Variants in GAS2 observed in about 807,000 individuals in gnomAD.
GAS2 encodes the protein growth arrest specific 2, also known as growth arrest-specific protein 2.
GAS2 carries 20 observed loss-of-function variants against 37.5 expected under a neutral mutation model. The ratio of observed to expected loss-of-function variants is 0.53; its 90% CI spans 0.37 to 0.77. The LOEUF (loss-of-function observed/expected upper bound fraction) is 0.77. GAS2 is among the 30% of genes least tolerant of loss of function. The pLI, the probability that GAS2 is intolerant of heterozygous loss-of-function variation, is 0.00. For synonymous variants in GAS2, 144 were observed against 132.2 expected (o/e 1.09, Z -0.61); for missense variants, 336 against 373.4 (o/e 0.90, Z 0.82).
At chr11:22,631,032 G>A (rs1275384194) in intron 1 of GAS2, among the ~76,000 whole-genome samples, 1 of 152,106 alleles carries the variant, frequency 6.6e-6, no homozygotes, top group African/African-American at 2.4e-5. Context: ...GCAGTGTTTT[G>A]TAGTTCTCCT....
At chr11:22,713,465 G>C (rs879894337) in intron 3 of GAS2, among the ~76,000 whole-genome samples, 7 of 152,226 alleles carry the variant, frequency 4.6e-5, no homozygotes, top group Non-Finnish European at 8.8e-5. Flanking sequence ...CCCTGGTCTT[G>C]CTAGAGATCT....
chr11:22,780,557 CA>C lies in GAS2; in HGVS notation c.723+24623del, dbSNP rs34289288. Among the ~76,000 whole-genome samples the C allele has an allele frequency of 8.7e-3, 782 of 90,314 alleles. 4 individuals carry two copies. The highest frequency in any genetic ancestry group is 0.022 in the Middle Eastern group (3 of 136). The allele number at this position is 90,314 out of a possible 152,430, so 59.2% of individuals were successfully genotyped here. A position where few individuals can be genotyped will look rare whatever the true frequency, so the allele number is the denominator to read the frequency against. On this transcript the variant is annotated intron_variant, in intron 7 of 7. Transcript: ENST00000454584. ...TGGGCAACAGAGCAAGACTCTGTCT[CA>C]AAAAAAAAAAAAAAAAAAGATTGTA...
At chr11:22,707,919 G>C (rs1055208617) in intron 3 of GAS2, among the ~76,000 whole-genome samples, 2 of 152,130 alleles carry the variant, frequency 1.3e-5, no homozygotes, top group Non-Finnish European at 2.9e-5. Context: ...TGCATATTAA[G>C]TTGGAGAAAT....
At chr11:22,654,923 GA>G (rs1249690252) in intron 1 of GAS2, among the ~76,000 whole-genome samples, 1 of 151,996 alleles carries the variant, frequency 6.6e-6, no homozygotes. Context: ...TTTCATCAAA[GA>G]AAAAAATATG....
chr11:22,744,200 A>T (rs1853249660), intron 5 of GAS2, among the ~76,000 whole-genome samples: 1 of 152,142 alleles, frequency 6.6e-6, no homozygotes, highest in Non-Finnish European at 1.5e-5. Context: ...ATGAGTTCAC[A>T]GCTAAATTCT....
At chr11:22,689,680 A>G (rs560910364) in intron 3 of GAS2, among the ~76,000 whole-genome samples, 3 of 152,366 alleles carry the variant, frequency 2.0e-5, no homozygotes, top group Non-Finnish European at 2.9e-5. Context: ...TGTTAAATCT[A>G]AATACAAATT....
chr11:22,706,116 A>T (rs1851104545), intron 3 of GAS2, among the ~76,000 whole-genome samples: 1 of 152,210 alleles, frequency 6.6e-6, no homozygotes, highest in Non-Finnish European at 1.5e-5. Context: ...TATCTTAAGT[A>T]TAACAATATG....
intron 6 of GAS2, among the ~76,000 whole-genome samples, chr11:22,753,963 A>G (rs1853881586): frequency 6.6e-6 from 1 of 152,030 alleles, no homozygotes. Flanking sequence ...CAACTTTTAT[A>G]TATCTTGTTT....
chr11:22,678,662 AG>A, intron 2 of GAS2, among the ~76,000 whole-genome samples: 1 of 151,982 alleles, frequency 6.6e-6, no homozygotes, highest in Non-Finnish European at 1.5e-5. Context: ...GTTTTTCAAA[AG>A]GAGTTTTAAT....
intron 7 of GAS2, among the ~76,000 whole-genome samples, chr11:22,781,607 C>A (rs1388271125): frequency 6.6e-6 from 1 of 152,104 alleles, no homozygotes; most frequent in African/African-American, 2.4e-5. Flanking sequence ...TCTTTAACAA[C>A]TTATAGATTT....
intron 7 of GAS2, among the ~76,000 whole-genome samples, chr11:22,807,141 A>G (rs1034382492): frequency 6.6e-6 from 1 of 152,210 alleles, no homozygotes; most frequent in Non-Finnish European, 1.5e-5. Context: ...ACTCCTTCAA[A>G]GCAAGAGAGA....
intron 3 of GAS2, among the ~76,000 whole-genome samples, chr11:22,703,788 G>A (rs939151937): frequency 3.9e-5 from 6 of 152,224 alleles, no homozygotes; most frequent in African/African-American, 1.2e-4. Flanking sequence ...GGCTTCTATT[G>A]TTTGACTTAG....
intron 1 of GAS2, among the ~76,000 whole-genome samples, chr11:22,647,402 T>C (rs1239430249): frequency 1.3e-5 from 2 of 152,186 alleles, no homozygotes; most frequent in East Asian, 1.9e-4. Flanking sequence ...TGTGTCTTTA[T>C]AGCAGCATGA....
chr11:22,723,157 T>C (rs1296676879), intron 3 of GAS2, among the ~76,000 whole-genome samples: 1 of 151,922 alleles, frequency 6.6e-6, no homozygotes, highest in African/African-American at 2.4e-5. Flanking sequence ...TCAGCTGGCA[T>C]GGGAACACTC....
At chr11:22,716,117 A>G (rs1248370186) in intron 3 of GAS2, among the ~76,000 whole-genome samples, 1 of 152,224 alleles carries the variant, frequency 6.6e-6, no homozygotes, top group Non-Finnish European at 1.5e-5. Flanking sequence ...AGATGCAGAA[A>G]AAGCATTTGG....
At chr11:22,676,905 A>G (rs1849454274) in intron 2 of GAS2, among the ~76,000 whole-genome samples, 1 of 152,174 alleles carries the variant, frequency 6.6e-6, no homozygotes, top group Non-Finnish European at 1.5e-5. Flanking sequence ...ATACCATAAT[A>G]AAACCAACCT....
intron 1 of GAS2, among the ~76,000 whole-genome samples, chr11:22,673,628 G>A (rs141247956): frequency 0.013 from 1,917 of 152,066 alleles, 44 homozygotes; most frequent in African/African-American, 0.044. Context: ...TATTCTGTCC[G>A]GGCATGGTGG....
At chr11:22,787,638 A>G (rs1195885137) in intron 7 of GAS2, among the ~76,000 whole-genome samples, 2 of 152,222 alleles carry the variant, frequency 1.3e-5, no homozygotes, top group Non-Finnish European at 2.9e-5. Flanking sequence ...AGTAAAATAC[A>G]TTGGAGTCAC....
At position 22,749,181 on chromosome 11, in the gene GAS2, CT is replaced by C; in HGVS notation, c.538del (p.Ser180LeufsTer27). On this transcript the variant is annotated frameshift_variant, in exon 6 of 8. Coordinates refer to ENST00000454584, the MANE Select transcript of GAS2 (RefSeq NM_001143830.3). LOFTEE classifies it high-confidence loss of function. ...LEKEIEQEET[L>X]SAPSPSPSPS... Reference sequence around the variant, plus strand: ...AAAAGAGATTGAACAAGAAGAAACACTTTCTGCCCCTTCTCCTTCACCTTCT... The same window carrying C: ...AAAAGAGATTGAACAAGAAGAAACACTTCTGCCCCTTCTCCTTCACCTTCT... 3 of 1,612,566 alleles carry C rather than the reference CT, an allele frequency of 1.9e-6. No homozygotes were observed. Among genetic ancestry groups the C allele is most frequent in the Non-Finnish European group, 2.5e-6 (3 of 1,179,114 alleles).
Sources: allele counts gnomAD v4.1 joint callset (sites outside exome capture counted in the v4.1 genomes callset), GRCh38; gene constraint gnomAD v4.1.1; transcripts MANE v1.5; gene names NCBI Gene and HGNC (gene_info 2026-07-23, HGNC 2026-07-21).